AFDN: variants seen among roughly 807,000 people sequenced by gnomAD.
AFDN encodes afadin.
Under a neutral mutation model 216.6 loss-of-function variants are expected in AFDN, and 68 were observed. That is an observed-to-expected ratio of 0.31 (90% CI 0.26 to 0.38). AFDN has a LOEUF of 0.38. Among genes scored for constraint, AFDN ranks in the 10% least tolerant of loss-of-function variants. The pLI, the probability that AFDN is intolerant of heterozygous loss-of-function variation, is 1.00. For synonymous variants in AFDN, 868 were observed against 853.7 expected (o/e 1.02, Z -0.29); for missense variants, 2,136 against 2,342.0 (o/e 0.91, Z 1.82).
chr6:167,955,758 A>G (rs1157318768), intron 30 of AFDN, among the ~76,000 whole-genome samples: 1 of 152,148 alleles, frequency 6.6e-6, no homozygotes, highest in Non-Finnish European at 1.5e-5. Context: ...GATCTTAACC[A>G]CATGTTTCTG....
rs772074329 is a variant in AFDN at position 167,880,472 on chromosome 6, G to A, written c.852G>A (p.Lys284=). The change falls in exon 6 of 34, where the codon AAG becomes AAA. Residue 284 remains lysine (K), a synonymous_variant. Coordinates refer to ENST00000683244, the MANE Select transcript of AFDN (RefSeq NM_001386888.1). ...ADFAVAEALE[K]YGLEKENPKD... The stretch of plus-strand genomic sequence containing the variant: ...TTGCTGTGGCTGAAGCTTTAGAGAA[G>A]TATGGTCTGGAAAAAGAAAACCCTA... The A allele has an allele frequency of 1.9e-6, 3 of 1,613,840 alleles. No individual in the cohort carries two copies. Among genetic ancestry groups the A allele is most frequent in the Non-Finnish European group, 2.5e-6 (3 of 1,179,828 alleles).
chr6:167,966,068 A>C, intron 32 of AFDN, 23 bp downstream of exon 32: 1 of 1,540,120 alleles, frequency 6.5e-7, no homozygotes, highest in Non-Finnish European at 8.7e-7. Context: ...ACTCCAGCAC[A>C]AGAAAGTCTC....
intron 23 of AFDN, among the ~76,000 whole-genome samples, chr6:167,929,296 G>A (rs1404218598): frequency 1.3e-5 from 2 of 151,624 alleles, no homozygotes; most frequent in Non-Finnish European, 2.9e-5. Context: ...AGAAGACCAG[G>A]AAATAACAAT....
chr6:167,933,554 G>A (rs1360634690), intron 23 of AFDN, among the ~76,000 whole-genome samples: 1 of 152,150 alleles, frequency 6.6e-6, no homozygotes, highest in Admixed American at 6.6e-5. Context: ...CAGTTCCAAA[G>A]ACCTATTGTG....
chr6:167,914,268 T>C lies in AFDN; in HGVS notation c.2159T>C (p.Leu720Pro). 2 of 1,614,204 alleles carry C rather than the reference T, an allele frequency of 1.2e-6. No individual in the cohort carries two copies. Among genetic ancestry groups the C allele is most frequent in the Non-Finnish European group, 1.7e-6 (2 of 1,180,018 alleles). ...KQDRDLSRIT[L>P]DAQDVLAHLV... is the part of the protein sequence containing the mutation. ...GACCGAGACCTTAGTCGGATCACAC[T>C]GGATGCTCAAGATGTTTTAGCACAT... The change falls in exon 17 of 34, where the codon CTG becomes CCG. Residue 720 changes from leucine to proline, a missense_variant. By Grantham distance (98) the Leu-to-Pro change is moderately conservative. This residue lies in a region of AFDN where 817 missense variants were observed against 965.7 expected (regional missense o/e 0.85). Coordinates refer to ENST00000683244, the MANE Select transcript of AFDN (RefSeq NM_001386888.1).
In AFDN at chr6:167,971,750, G is replaced by A. The variant is rs921156038; in HGVS notation, c.*1815G>A. ...GTGTGGTTGTGAAACCCATACACAA[G>A]TGGATTTGGCCATCTTTGGGCAGTG... On this transcript the variant is annotated 3_prime_UTR_variant, in exon 34 of 34. Coordinates refer to ENST00000683244, the MANE Select transcript of AFDN (RefSeq NM_001386888.1). 4.8e-6 allele frequency: 1 copy of A among 206,986 alleles called. No individual in the cohort carries two copies. The highest frequency in any genetic ancestry group is 2.3e-5 in the African/African-American group (1 of 43,796). 12.8% of individuals were successfully genotyped at this position (206,986 alleles called of 1,614,324 possible). A position where few individuals can be genotyped will look rare whatever the true frequency, so the allele number is the denominator to read the frequency against.
In AFDN at chr6:167,962,675, G is replaced by T. The variant is rs1353051487; in HGVS notation, c.4968+108G>T. On this transcript the variant is annotated intron_variant, in intron 31 of 33. Transcript: ENST00000683244. This position sits in a 1 kb window ranked among gnomAD's most constrained non-coding sequence, Gnocchi z 5.2. The stretch of plus-strand genomic sequence containing the variant: ...TTCTGTGTTTCTTAAGAAGCACGAG[G>T]CAGAGCAGGGCCTGGCTCCCCCAGC... 6.4e-7 allele frequency: 1 copy of T among 1,572,190 alleles called. No individual in the cohort carries two copies. The highest frequency in any genetic ancestry group is 8.6e-7 in the Non-Finnish European group (1 of 1,157,716).
intron 1 of AFDN, among the ~76,000 whole-genome samples, chr6:167,860,744 A>G (rs976962916): frequency 2.0e-5 from 3 of 152,142 alleles, no homozygotes; most frequent in Non-Finnish European, 4.4e-5. Context: ...GACGTGGTGG[A>G]TGAGGTTGAT....
chr6:167,931,224 G>T (rs936349069), intron 23 of AFDN, among the ~76,000 whole-genome samples: 1 of 152,212 alleles, frequency 6.6e-6, no homozygotes, highest in Admixed American at 6.5e-5. Flanking sequence ...TGAATCTCAA[G>T]AAGATGAATC....
At chr6:167,914,609 T>C in intron 17 of AFDN, 35 bp from the exon 18 acceptor site, 1 of 1,436,338 alleles carries the variant, frequency 7.0e-7, no homozygotes, top group Non-Finnish European at 9.8e-7. Flanking sequence ...CTGTCTGTCA[T>C]GCTAAGATTA....
At chr6:167,933,086 T>C (rs1226870986) in intron 23 of AFDN, among the ~76,000 whole-genome samples, 2 of 152,338 alleles carry the variant, frequency 1.3e-5, no homozygotes, top group Non-Finnish European at 2.9e-5. Flanking sequence ...GCTGAAGACA[T>C]GGACAAGAAT....
intron 13 of AFDN, among the ~76,000 whole-genome samples, chr6:167,910,702 A>G (rs1009297613): frequency 6.6e-6 from 1 of 152,198 alleles, no homozygotes; most frequent in African/African-American, 2.4e-5. Context: ...CTTTCAGTAT[A>G]AGAACTCCGT....
chr6:167,891,118 T>G (rs950649383), intron 8 of AFDN, 89 bp downstream of exon 8: 23 of 1,067,778 alleles, frequency 2.2e-5, no homozygotes, highest in Non-Finnish European at 2.8e-5. Context: ...TCAAGTAGTC[T>G]TCTGTTGGCT....
intron 23 of AFDN, among the ~76,000 whole-genome samples, chr6:167,929,574 C>T (rs541909296): frequency 6.6e-6 from 1 of 152,302 alleles, no homozygotes; most frequent in African/African-American, 2.4e-5. Context: ...GTAGTTGTCC[C>T]CTTAGAGCAG....
chr6:167,898,054 G>T (rs9346630), intron 10 of AFDN, 151 bp from the exon 11 acceptor site: 295,169 of 809,382 alleles, frequency 0.36, 56,702 homozygotes, highest in East Asian at 0.61. Flanking sequence ...ATTTTTATAC[G>T]ATTGAGGGAA....
intron 12 of AFDN, 69 bp downstream of exon 12, chr6:167,902,455 G>T: frequency 8.8e-7 from 1 of 1,139,916 alleles, no homozygotes; most frequent in South Asian, 1.3e-5. Flanking sequence ...TACAGTAGTG[G>T]TGGGGGATGT....
chr6:167,922,038 G>A lies in AFDN; in HGVS notation c.2909-818G>A, dbSNP rs1583419569. Among the ~76,000 whole-genome samples the A allele has an allele frequency of 1.3e-5, 2 of 152,296 alleles. 1 individual carries two copies. Among genetic ancestry groups the A allele is most frequent in the South Asian group, 4.2e-4 (2 of 4,814 alleles). ...AGACTGTGGTGAAAAGCTGCGCAGA[G>A]TCTGTCACACAGGACGCTCTTGATG... is the stretch of plus-strand genomic sequence containing the variant. On this transcript the variant is annotated intron_variant, in intron 21 of 33. Coordinates refer to ENST00000683244, the MANE Select transcript of AFDN (RefSeq NM_001386888.1).
intron 30 of AFDN, among the ~76,000 whole-genome samples, chr6:167,957,462 G>A (rs1026967408): frequency 1.3e-5 from 2 of 152,176 alleles, no homozygotes; most frequent in African/African-American, 4.8e-5. Context: ...CTGACTGTTA[G>A]CATCTCAAGA....
intron 1 of AFDN, among the ~76,000 whole-genome samples, chr6:167,844,414 CAT>C (rs1240844443): frequency 6.6e-6 from 1 of 152,120 alleles, no homozygotes; most frequent in Admixed American, 6.5e-5. Flanking sequence ...GAAATTCTCC[CAT>C]ATTTCTATAA....
Sources: allele counts gnomAD v4.1 joint callset (sites outside exome capture counted in the v4.1 genomes callset), GRCh38; gene constraint gnomAD v4.1.1; regional missense constraint gnomAD v4.1.1; non-coding constraint Gnocchi (gnomAD v3.1); transcripts MANE v1.5; gene names NCBI Gene and HGNC (gene_info 2026-07-23, HGNC 2026-07-21).